LRRIQ3: variants seen among roughly 807,000 people sequenced by gnomAD.
LRRIQ3 encodes the protein leucine rich repeats and IQ motif containing 3.
Under a neutral mutation model 59.3 loss-of-function variants are expected in LRRIQ3, and 75 were observed. The observed-to-expected ratio is 1.26, with a 90% CI of 1.05 to 1.53. The LOEUF (loss-of-function observed/expected upper bound fraction) is 1.53. Ranked by LOEUF, LRRIQ3 falls within the 40% of genes most tolerant of loss-of-function variation. The probability of loss-of-function intolerance (pLI) is 0.00; values close to 1 mark genes in which losing one functional copy is unlikely to be tolerated. For missense variants in LRRIQ3, 831 were observed against 710.0 expected (o/e 1.17, Z -1.94); for synonymous variants, 250 against 231.3 (o/e 1.08, Z -0.73).
chr1:74,088,737 A>T (rs966942634), intron 5 of LRRIQ3, among the ~76,000 whole-genome samples: 5 of 152,028 alleles, frequency 3.3e-5, no homozygotes, highest in African/African-American at 9.7e-5. Context: ...ATAGAAAAAA[A>T]ATCTTTGAGG....
intron 3 of LRRIQ3, among the ~76,000 whole-genome samples, chr1:74,160,903 G>A (rs1648621166): frequency 6.6e-6 from 1 of 152,016 alleles, no homozygotes; most frequent in African/African-American, 2.4e-5. Flanking sequence ...TAGTTCCTGT[G>A]ATTTTATAAT....
chr1:74,132,664 T>A (rs1647045667), intron 4 of LRRIQ3, among the ~76,000 whole-genome samples: 1 of 152,256 alleles, frequency 6.6e-6, no homozygotes, highest in African/African-American at 2.4e-5. Context: ...TAGCCATATG[T>A]AGAAAGCTGA....
At chr1:74,050,346 G>A (rs1315925366) in intron 6 of LRRIQ3, among the ~76,000 whole-genome samples, 1 of 152,118 alleles carries the variant, frequency 6.6e-6, no homozygotes, top group Non-Finnish European at 1.5e-5. Flanking sequence ...TTTAGATATA[G>A]TATTAAAGAA....
intron 4 of LRRIQ3, among the ~76,000 whole-genome samples, chr1:74,145,909 A>T (rs993996592): frequency 6.6e-6 from 1 of 152,148 alleles, no homozygotes; most frequent in East Asian, 1.9e-4. Context: ...ATACAGTTAT[A>T]TGCCATATAA....
chr1:74,038,828 C>T (rs1334892791), intron 7 of LRRIQ3, among the ~76,000 whole-genome samples: 1 of 152,116 alleles, frequency 6.6e-6, no homozygotes, highest in East Asian at 1.9e-4. Context: ...GGGTGAGCAG[C>T]CTCAAACATC....
chr1:74,028,754 T>A (rs1202117187), intron 7 of LRRIQ3, among the ~76,000 whole-genome samples: 1 of 151,888 alleles, frequency 6.6e-6, no homozygotes, highest in Non-Finnish European at 1.5e-5. Flanking sequence ...ACTCACAGGG[T>A]TTAGTAGGAA....
At chr1:74,045,782 T>C (rs1420130802) in intron 6 of LRRIQ3, among the ~76,000 whole-genome samples, 4 of 152,154 alleles carry the variant, frequency 2.6e-5, no homozygotes, top group Admixed American at 6.6e-5. Context: ...ACAAAATCAA[T>C]GTGCAAAATA....
intron 7 of LRRIQ3, among the ~76,000 whole-genome samples, chr1:74,027,195 C>G (rs1220716279): frequency 6.6e-6 from 1 of 152,060 alleles, no homozygotes; most frequent in Non-Finnish European, 1.5e-5. Flanking sequence ...CAAACTATGG[C>G]TTAGATTTCC....
At chr1:74,162,460 T>C (rs1648715329) in intron 3 of LRRIQ3, among the ~76,000 whole-genome samples, 1 of 151,764 alleles carries the variant, frequency 6.6e-6, no homozygotes, top group African/African-American at 2.4e-5. Flanking sequence ...CTATACTACG[T>C]GCCTGAAATG....
At chr1:74,054,762 A>ATATATC (rs1570037372) in intron 6 of LRRIQ3, among the ~76,000 whole-genome samples, 2 of 145,102 alleles carry the variant, frequency 1.4e-5, no homozygotes, top group Non-Finnish European at 3.0e-5. Context: ...ATATATCTAT[A>ATATATC]TATCTACATA....
Position 74,180,954 on chromosome 1 carries a change from T to G in LRRIQ3, c.573+1584A>C. ...ACACTAGCTGACATTTTATGGTTGT[T>G]TAGTTTTATTTTTGTTTCCAGATTT... On this transcript the variant is annotated intron_variant, in intron 3 of 7. Transcript: ENST00000354431. The G allele has an allele frequency of 1.0e-5, 7 of 675,668 alleles. No homozygotes were observed. The South Asian group carries it at 1.4e-4, about 14-fold the overall frequency. 41.9% of individuals were successfully genotyped at this position (675,668 alleles called of 1,614,324 possible).
At chr1:74,082,751 T>C (rs1646287177) in intron 5 of LRRIQ3, 1 of 151,214 alleles carries the variant, frequency 6.6e-6, no homozygotes, top group Non-Finnish European at 1.5e-5. Context: ...ACAAAGTAGC[T>C]ATATATATAT....
intron 5 of LRRIQ3, among the ~76,000 whole-genome samples, chr1:74,099,383 A>G (rs542422782): frequency 1.3e-5 from 2 of 152,304 alleles, no homozygotes; most frequent in Admixed American, 6.5e-5. Flanking sequence ...GAATAGACCA[A>G]TAACAGGCTC....
chr1:74,138,454 C>T, intron 4 of LRRIQ3: 1 of 982,720 alleles, frequency 1.0e-6, no homozygotes, highest in African/African-American at 1.7e-5. Context: ...TTTTTGGTGT[C>T]CCATGGGCAG....
intron 3 of LRRIQ3, among the ~76,000 whole-genome samples, chr1:74,170,678 T>C (rs2100698510): frequency 6.6e-6 from 1 of 152,244 alleles, no homozygotes; most frequent in South Asian, 2.1e-4. Flanking sequence ...TGTGGTGCCA[T>C]ATTAATTTTA....
chr1:74,109,621 T>G (rs1646663484), intron 4 of LRRIQ3, 68 bp from the exon 5 acceptor site: 1 of 1,264,276 alleles, frequency 7.9e-7, no homozygotes, highest in African/African-American at 1.5e-5. Context: ...AAATTAGTCA[T>G]GAGTTCACTT....
Position 74,180,191 on chromosome 1 carries a change from T to C in LRRIQ3, c.573+2347A>G, listed in dbSNP as rs931576295. ...TTTACCATAAAAAATTCTTCCAATA[T>C]GTTTTTTTCTTTTCTATTTAATTTT... On this transcript the variant is annotated intron_variant, in intron 3 of 7. Coordinates refer to ENST00000354431, the MANE Select transcript of LRRIQ3 (RefSeq NM_001105659.2). The C allele has an allele frequency of 4.6e-5, 7 of 151,998 alleles. No homozygotes were observed. In the South Asian group the frequency reaches 1.5e-3, roughly 32 times the overall value. The allele number at this position is 151,998 out of a possible 1,614,324, so 9.4% of individuals were successfully genotyped here. A position where few individuals can be genotyped will look rare whatever the true frequency, so the allele number is the denominator to read the frequency against.
At chr1:74,056,713 G>A (rs1654545704) in intron 6 of LRRIQ3, among the ~76,000 whole-genome samples, 1 of 151,994 alleles carries the variant, frequency 6.6e-6, no homozygotes, top group Non-Finnish European at 1.5e-5. Context: ...ATAGTTTCAG[G>A]AACACAAAAA....
intron 4 of LRRIQ3, among the ~76,000 whole-genome samples, chr1:74,128,059 A>G (rs368708910): frequency 2.0e-5 from 3 of 151,996 alleles, no homozygotes; most frequent in African/African-American, 7.2e-5. Flanking sequence ...CTGGCCTAAA[A>G]GTTTTCCACT....
Sources: allele counts gnomAD v4.1 joint callset (sites outside exome capture counted in the v4.1 genomes callset), GRCh38; gene constraint gnomAD v4.1.1; transcripts MANE v1.5; gene names NCBI Gene and HGNC (gene_info 2026-07-23, HGNC 2026-07-21).